PLD5: variants seen among roughly 807,000 people sequenced by gnomAD.
PLD5 encodes the protein inactive phospholipase D5.
In PLD5, 36 loss-of-function variants were observed where a neutral mutation model predicts 61.1. The ratio of observed to expected loss-of-function variants is 0.59; its 90% CI spans 0.45 to 0.78. PLD5 has a LOEUF of 0.78. Among genes scored for constraint, PLD5 ranks in the 30% least tolerant of loss-of-function variants. PLD5 has a pLI of 0.00. For missense variants in PLD5, 515 were observed against 644.4 expected, an observed-to-expected ratio of 0.80 and a Z score of 2.17; for synonymous variants, 243 against 242.8, an observed-to-expected ratio of 1.00 and a Z score of -0.01.
intron 9 of PLD5, among the ~76,000 whole-genome samples, chr1:242,097,623 T>G (rs888801829): frequency 1.3e-5 from 2 of 152,222 alleles, no homozygotes; most frequent in African/African-American, 2.4e-5. Flanking sequence ...TTTGTTTGAG[T>G]TCTTTGTAGA....
At position 242,113,911 on chromosome 1, in the gene PLD5, A is replaced by G. The variant is rs777893103; in HGVS notation, c.1049T>C (p.Ile350Thr). The G allele has an allele frequency of 6.2e-7, 1 of 1,613,336 alleles. No individual in the cohort carries two copies. Among genetic ancestry groups the G allele is most frequent in the Non-Finnish European group, 8.5e-7 (1 of 1,179,666 alleles). ...TGACCTTTTGGTGCTTGTGCTGGAG[A>G]TAGGCAGGTAGTCCATGACAGCGAT... ...VYIAVMDYLP[I>T]SSTSTKRTYW... The change falls in exon 7 of 10, where the codon ATC becomes ACC. Residue 350 changes from isoleucine (I) to threonine (T), a missense_variant. By Grantham distance (89) the Ile-to-Thr change is moderately conservative (BLOSUM62 -1). This residue lies in a region of PLD5 where 450 missense variants were observed against 598.1 expected (regional missense o/e 0.75). Transcript: ENST00000536534.
At chr1:242,455,910 G>C (rs1666929793) in intron 1 of PLD5, among the ~76,000 whole-genome samples, 1 of 152,240 alleles carries the variant, frequency 6.6e-6, no homozygotes, top group Non-Finnish European at 1.5e-5. Context: ...GTGCGGGATA[G>C]AGCCGGGGTG....
chr1:242,348,834 C>G (rs996713723), intron 1 of PLD5, among the ~76,000 whole-genome samples: 4 of 152,138 alleles, frequency 2.6e-5, no homozygotes, highest in Middle Eastern at 3.2e-3. Context: ...GCGGGCAGAT[C>G]ATGAGGTCAG....
chr1:242,152,678 C>T lies in PLD5; in HGVS notation c.736-28013G>A, dbSNP rs188656747. Reference sequence around the variant, plus strand: ...GCTTCATCCATGTGCCTGCAAAGGACATGAACTCATCCTTTTTTTGTGGCT... The same window carrying T: ...GCTTCATCCATGTGCCTGCAAAGGATATGAACTCATCCTTTTTTTGTGGCT... On this transcript the variant is annotated intron_variant, in intron 5 of 9. Transcript: ENST00000536534. 2.8e-4 allele frequency among the ~76,000 whole-genome samples: 43 copies of T among 152,262 alleles called. 1 individual carries two copies. The highest frequency in any genetic ancestry group is 1.0e-3 in the African/African-American group (43 of 41,520).
At chr1:242,131,304 C>CA (rs944261165) in intron 5 of PLD5, among the ~76,000 whole-genome samples, 23 of 151,562 alleles carry the variant, frequency 1.5e-4, no homozygotes, top group African/African-American at 3.1e-4. Context: ...GACTCTGTCT[C>CA]AAAAAAAACA....
At chr1:242,438,153 A>G (rs147952710) in intron 1 of PLD5, among the ~76,000 whole-genome samples, 3,035 of 152,318 alleles carry the variant, frequency 0.02, 158 homozygotes, top group Admixed American at 0.13. Flanking sequence ...ACTTTTTAAA[A>G]GTCCCTAAAC....
At chr1:242,473,510 G>T (rs1667502703) in intron 1 of PLD5, among the ~76,000 whole-genome samples, 1 of 152,192 alleles carries the variant, frequency 6.6e-6, no homozygotes. Flanking sequence ...GAAAAAAATG[G>T]TTTGTATGTC....
chr1:242,215,356 T>C (rs993755255), intron 5 of PLD5, among the ~76,000 whole-genome samples: 6 of 151,982 alleles, frequency 3.9e-5, no homozygotes, highest in African/African-American at 1.2e-4. Flanking sequence ...TAGTAAAACA[T>C]GCCCGTTCAA....
Position 242,362,340 on chromosome 1 carries a change from ATCTG to A in PLD5, c.190-14102_190-14099del, listed in dbSNP as rs1661114501. Among the ~76,000 whole-genome samples, 4 of 152,196 alleles carry A rather than the reference ATCTG, an allele frequency of 2.6e-5. No homozygotes were observed. In the South Asian group the frequency reaches 6.2e-4, roughly 24 times the overall value. ...TTTAATTTAGGTCTAGAAATCCAAAATCTGTCTGTTTTATAGATGCAGACTTTTC... is the reference window on the plus strand; with the variant it reads ...TTTAATTTAGGTCTAGAAATCCAAAATCTGTTTTATAGATGCAGACTTTTC... On this transcript the variant is annotated intron_variant, in intron 1 of 9. Coordinates refer to ENST00000536534, the MANE Select transcript of PLD5 (RefSeq NM_001372062.1).
chr1:242,421,340 T>G (rs553946611), intron 1 of PLD5, among the ~76,000 whole-genome samples: 2 of 152,298 alleles, frequency 1.3e-5, no homozygotes, highest in African/African-American at 4.8e-5. Context: ...AGGTTGGATT[T>G]GGGTCTGTTA....
At chr1:242,326,648 C>T (rs1271556921) in intron 2 of PLD5, among the ~76,000 whole-genome samples, 1 of 152,014 alleles carries the variant, frequency 6.6e-6, no homozygotes, top group Non-Finnish European at 1.5e-5. Context: ...TTGATATTTT[C>T]CTTATATTCT....
At chr1:242,103,310 C>T (rs776755779) in intron 8 of PLD5, among the ~76,000 whole-genome samples, 23 of 152,182 alleles carry the variant, frequency 1.5e-4, no homozygotes, top group Non-Finnish European at 2.9e-4. Flanking sequence ...CAGGCACTGT[C>T]CTGGGTTCTG....
At chr1:242,472,037 A>G (rs1667463022) in intron 1 of PLD5, among the ~76,000 whole-genome samples, 2 of 152,306 alleles carry the variant, frequency 1.3e-5, no homozygotes, top group South Asian at 4.1e-4. Context: ...AACCCACAAG[A>G]TTATGTATTT....
In PLD5 at chr1:242,094,092, G is replaced by GT. The variant is rs563270956; in HGVS notation, c.1355-3983dup. Among the ~76,000 whole-genome samples, 12 of 151,612 alleles carry GT rather than the reference G, an allele frequency of 7.9e-5. 1 individual carries two copies. Among genetic ancestry groups the GT allele is most frequent in the Middle Eastern group, 6.8e-3 (2 of 294 alleles). On this transcript the variant is annotated intron_variant, in intron 9 of 9. Transcript: ENST00000536534. ...TTCAAAATCACATATATGCTTCAGT[G>GT]TTTTTTTAATTGGGATGCAATTTCA...
intron 1 of PLD5, among the ~76,000 whole-genome samples, chr1:242,399,660 G>T (rs753015705): frequency 2.6e-5 from 4 of 151,822 alleles, no homozygotes; most frequent in Non-Finnish European, 5.9e-5. Flanking sequence ...AAAAAGAATT[G>T]ATTATATCGG....
At chr1:242,407,561 G>GTTTT (rs58679212) in intron 1 of PLD5, among the ~76,000 whole-genome samples, 3 of 130,322 alleles carry the variant, frequency 2.3e-5, no homozygotes, top group Admixed American at 7.5e-5. Flanking sequence ...TGGTTGTTTT[G>GTTTT]TTTTTTTTTT....
At chr1:242,282,870 G>A (rs12127116) in intron 3 of PLD5, among the ~76,000 whole-genome samples, 43,892 of 152,042 alleles carry the variant, frequency 0.29, 7,621 homozygotes, top group Middle Eastern at 0.45. Flanking sequence ...CCTTTTGCCC[G>A]ACCATGTATT....
intron 2 of PLD5, among the ~76,000 whole-genome samples, chr1:242,313,985 C>T (rs1472375929): frequency 1.3e-5 from 2 of 152,088 alleles, no homozygotes; most frequent in African/African-American, 4.8e-5. Context: ...ACATCAAAGG[C>T]GTTTTTCCTA....
chr1:242,331,951 T>C lies in PLD5; in HGVS notation c.326+16155A>G, dbSNP rs57453869. On this transcript the variant is annotated intron_variant, in intron 2 of 9. Transcript: ENST00000536534. ...GTGCAGAACGTGCAGGTTTGTTACA[T>C]AGGTATACACGTGCCATGGTGGTTT... 7.7e-3 allele frequency among the ~76,000 whole-genome samples: 1,168 copies of C among 152,184 alleles called. 12 individuals are homozygous for C. Among genetic ancestry groups the C allele is most frequent in the African/African-American group, 0.026 (1,097 of 41,508 alleles).
Sources: gnomAD v4.1 joint callset for allele counts (sites outside exome capture counted in the v4.1 genomes callset) on GRCh38, gnomAD v4.1.1 for gene constraint, gnomAD v4.1.1 regional missense constraint, MANE v1.5 for transcripts, NCBI Gene and HGNC (gene_info 2026-07-23, HGNC 2026-07-21) for gene names.